The following ACTR10 variants were observed in gnomAD, a reference collection of about 807,000 sequenced individuals.
The protein encoded by ACTR10 is actin related protein 10.
ACTR10 carries 43 observed loss-of-function variants against 56.2 expected under a neutral mutation model. That is an observed-to-expected ratio of 0.77 (90% confidence interval 0.60 to 0.99). ACTR10 has a LOEUF of 0.99. ACTR10 is among the 50% of genes least tolerant of loss of function. The pLI, the probability that ACTR10 is intolerant of heterozygous loss-of-function variation, is 0.00. For synonymous variants in ACTR10, 170 were observed against 176.3 expected (o/e 0.96, Z 0.28); for missense variants, 466 against 507.8 (o/e 0.92, Z 0.79).
intron 1 of ACTR10, among the ~76,000 whole-genome samples, chr14:58,202,254 A>G (rs1888729123): frequency 6.6e-6 from 1 of 152,122 alleles, no homozygotes; most frequent in South Asian, 2.1e-4. Context: ...AGTTGTAGAT[A>G]TGTCTTGCCT....
In ACTR10 at chr14:58,234,550, A is replaced by G; in HGVS notation, c.1253A>G (p.Ter418TrpextTer4). 1 of 1,601,950 alleles carries G rather than the reference A, an allele frequency of 6.2e-7. No individual in the cohort carries two copies. Among genetic ancestry groups the G allele is most frequent in the Non-Finnish European group, 8.5e-7 (1 of 1,174,136 alleles). ...LMKRAFSTEK[*>W] ...AAGAGAGCATTTTCCACTGAGAAAT[A>G]GAAGTTTGATTAAAAATCAACCTTG... The change falls in exon 13 of 13, where the codon TAG becomes TGG. Residue 418 changes from the stop codon to tryptophan (W), a stop_lost. Coordinates refer to ENST00000254286, the MANE Select transcript of ACTR10 (RefSeq NM_018477.3).
chr14:58,201,908 G>C lies in ACTR10; in HGVS notation c.78-947G>C, dbSNP rs1349066830. On this transcript the variant is annotated intron_variant, in intron 1 of 12. Transcript: ENST00000254286. ...ATCCTAGCACTTTGGGAGGCCAAGG[G>C]GGGAGGATCGCTTGAGCCTGGGAAG... Among the ~76,000 whole-genome samples, 4 of 151,592 alleles carry C rather than the reference G, an allele frequency of 2.6e-5. No homozygotes were observed. The South Asian group carries it at 6.2e-4, about 24-fold the overall frequency.
chr14:58,225,366 TTTATA>T (rs1236475302), intron 10 of ACTR10, among the ~76,000 whole-genome samples: 2 of 152,126 alleles, frequency 1.3e-5, no homozygotes, highest in African/African-American at 4.8e-5. Flanking sequence ...CTTTATAAAA[TTTATA>T]TTATAAAAGT....
chr14:58,202,756 T>C, intron 1 of ACTR10, 99 bp from the exon 2 acceptor site: 1 of 794,424 alleles, frequency 1.3e-6, no homozygotes, highest in Non-Finnish European at 2.0e-6. Flanking sequence ...CAAATGTTAT[T>C]GTGGCCATTG....
Position 58,200,286 on chromosome 14 carries a change from C to T in ACTR10, c.69C>T (p.Ala23=). ...CGGTCGTGATCGACCTGGGAGAGGC[C>T]TTTACCAAGTGAGTGGCCGTGACGC... ...KTAVVIDLGE[A]FTKCGFAGET... Residue 23 remains alanine, a synonymous_variant, in exon 1 of 13, where the codon GCC becomes GCT. Transcript: ENST00000254286. 1 of 1,506,042 alleles carries T rather than the reference C, an allele frequency of 6.6e-7. No individual in the cohort carries two copies. The highest frequency in any genetic ancestry group is 8.8e-7 in the Non-Finnish European group (1 of 1,132,318). The allele number at this position is 1,506,042 out of a possible 1,614,324, so 93.3% of individuals were successfully genotyped here. A position where few individuals can be genotyped will look rare whatever the true frequency, so the allele number is the denominator to read the frequency against.
rs1889057342 is a variant in ACTR10, at chr14:58,213,676, C to G, written c.496C>G (p.Leu166Val). The change falls in exon 6 of 13, where the codon CTA becomes GTA. Residue 166 changes from leucine (L) to valine (V), a missense_variant. By Grantham distance (32) the Leu-to-Val change is conservative. Coordinates refer to ENST00000254286, the MANE Select transcript of ACTR10 (RefSeq NM_018477.3). Reference protein sequence around the residue: ...PVLNCWGALPLGGKALHKELE... With the variant: ...PVLNCWGALPVGGKALHKELE... ...TCTAAATTGTTGGGGAGCACTACCC[C>G]TAGGAGGAAAAGCTCTTCACAAGTA... is the stretch of plus-strand genomic sequence containing the variant. The G allele has an allele frequency of 6.2e-7, 1 of 1,612,352 alleles. No homozygotes were observed. Among genetic ancestry groups the G allele is most frequent in the Non-Finnish European group, 8.5e-7 (1 of 1,179,008 alleles).
At chr14:58,215,977 T>C (rs8004938) in intron 7 of ACTR10, among the ~76,000 whole-genome samples, 7,752 of 149,754 alleles carry the variant, frequency 0.052, 264 homozygotes, top group South Asian at 0.11. Flanking sequence ...TTCTTTCTTT[T>C]TTTTTTTTTT....
chr14:58,208,903 A>T, intron 3 of ACTR10, 96 bp from the exon 4 acceptor site: 1 of 728,940 alleles, frequency 1.4e-6, no homozygotes, highest in Non-Finnish European at 2.3e-6. Flanking sequence ...AAAATATCTT[A>T]AGCTAAGGTA....
intron 11 of ACTR10, among the ~76,000 whole-genome samples, chr14:58,230,718 T>C (rs958002427): frequency 6.6e-6 from 1 of 152,104 alleles, no homozygotes; most frequent in African/African-American, 2.4e-5. Flanking sequence ...AGAAATGGCA[T>C]CTACAACATT....
intron 10 of ACTR10, among the ~76,000 whole-genome samples, chr14:58,226,096 AC>A (rs1436439352): frequency 1.3e-5 from 2 of 151,964 alleles, no homozygotes; most frequent in African/African-American, 2.4e-5. Flanking sequence ...CCCTGCCTCT[AC>A]AAAAAAAAAT....
At chr14:58,232,453 G>A (rs1196164841) in intron 12 of ACTR10, among the ~76,000 whole-genome samples, 186 bp downstream of exon 12, 1 of 112,792 alleles carries the variant, frequency 8.9e-6, no homozygotes, top group Admixed American at 1.4e-4. Flanking sequence ...TCACTCTGTC[G>A]CCAGGCTGGA....
rs1460346954 is a variant in ACTR10, at chr14:58,200,191, C to T, written c.-27C>T. 7 of 1,496,748 alleles carry T rather than the reference C, an allele frequency of 4.7e-6. No homozygotes were observed. The highest frequency in any genetic ancestry group is 5.4e-5 in the East Asian group (2 of 36,760). The allele number at this position is 1,496,748 out of a possible 1,614,324, so 92.7% of individuals were successfully genotyped here. ...ACTTGTTGGCCGCGGAGACTGCGAC[C>T]CTCTTCTCTCAGTCTGCCTTACTAC... is the stretch of plus-strand genomic sequence containing the variant. On this transcript the variant is annotated 5_prime_UTR_variant, in exon 1 of 13. Coordinates refer to ENST00000254286, the MANE Select transcript of ACTR10 (RefSeq NM_018477.3).
chr14:58,214,164 C>T (rs1889072724), intron 6 of ACTR10, among the ~76,000 whole-genome samples: 1 of 152,154 alleles, frequency 6.6e-6, no homozygotes, highest in Non-Finnish European at 1.5e-5. Flanking sequence ...TTGTATCCCT[C>T]CACTATCCTC....
At chr14:58,222,764 GA>G (rs58412717) in intron 8 of ACTR10, among the ~76,000 whole-genome samples, 66,018 of 76,468 alleles carry the variant, frequency 0.86, 28,213 homozygotes, top group South Asian at 0.94. Context: ...GACTCTGTCA[GA>G]AAAAAAAAAA....
intron 2 of ACTR10, among the ~76,000 whole-genome samples, chr14:58,204,316 G>A (rs184033458): frequency 7.9e-5 from 12 of 151,962 alleles, no homozygotes; most frequent in Admixed American, 3.3e-4. Flanking sequence ...CTCGGGAGGC[G>A]AAGCTTGCAG....
chr14:58,214,326 GT>G (rs1889077322), intron 6 of ACTR10, among the ~76,000 whole-genome samples: 1 of 151,616 alleles, frequency 6.6e-6, no homozygotes, highest in African/African-American at 2.4e-5. Flanking sequence ...TTCCATCAAT[GT>G]TGTTGCAAAT....
At chr14:58,206,382 C>T (rs1449664491) in intron 2 of ACTR10, among the ~76,000 whole-genome samples, 4 of 151,856 alleles carry the variant, frequency 2.6e-5, no homozygotes, top group South Asian at 2.1e-4. Context: ...GGGGTTTCGC[C>T]GTGTTGGCCA....
At chr14:58,210,402 G>A (rs1230388296) in intron 4 of ACTR10, among the ~76,000 whole-genome samples, 1 of 152,034 alleles carries the variant, frequency 6.6e-6, no homozygotes, top group Non-Finnish European at 1.5e-5. Flanking sequence ...AGACTAAGGT[G>A]GGAGGATTGC....
chr14:58,200,350 C>A, intron 1 of ACTR10, 56 bp downstream of exon 1: 1 of 1,397,614 alleles, frequency 7.2e-7, no homozygotes, highest in South Asian at 1.6e-5. Flanking sequence ...GGTGGCAGAG[C>A]CCCAGGCACT....
Sources: gnomAD v4.1 joint callset for allele counts (sites outside exome capture counted in the v4.1 genomes callset) on GRCh38, gnomAD v4.1.1 for gene constraint, MANE v1.5 for transcripts, NCBI Gene and HGNC (gene_info 2026-07-23, HGNC 2026-07-21) for gene names.